Variants in C11orf52 observed in about 807,000 individuals in gnomAD.
The protein encoded by C11orf52 is chromosome 11 open reading frame 52, also known as uncharacterized protein C11orf52.
In C11orf52, 9 loss-of-function variants were observed where a neutral mutation model predicts 11.7. The ratio of observed to expected loss-of-function variants is 0.77; its 90% confidence interval spans 0.46 to 1.34. C11orf52 has a LOEUF of 1.34. Ranked by LOEUF, C11orf52 falls within the 40% of genes most tolerant of loss-of-function variation. C11orf52 has a pLI of 0.00. For missense variants in C11orf52, 139 were observed against 154.8 expected (o/e 0.90, Z 0.54); for synonymous variants, 49 against 57.4 (o/e 0.85, Z 0.66).
chr11:111,923,022 G>A, intron 1 of C11orf52, among the ~76,000 whole-genome samples: 1 of 152,194 alleles, frequency 6.6e-6, no homozygotes, highest in East Asian at 1.9e-4. Context: ...TCTAACTTGA[G>A]AACAGGCTCT....
At chr11:111,922,340 A>G (rs1307281570) in intron 1 of C11orf52, among the ~76,000 whole-genome samples, 11 of 152,228 alleles carry the variant, frequency 7.2e-5, no homozygotes, top group Admixed American at 5.9e-4. Flanking sequence ...TGTTATCTCA[A>G]TAAACCTCCA....
At chr11:111,921,111 A>ATGTCATGT (rs1555166536) in intron 1 of C11orf52, among the ~76,000 whole-genome samples, 1 of 152,256 alleles carries the variant, frequency 6.6e-6, no homozygotes, top group African/African-American at 2.4e-5. Flanking sequence ...GATCTGGAAG[A>ATGTCATGT]TGTCATGTTA....
intron 1 of C11orf52, among the ~76,000 whole-genome samples, chr11:111,922,444 T>C (rs1260842614): frequency 6.6e-6 from 1 of 152,312 alleles, no homozygotes; most frequent in Non-Finnish European, 1.5e-5. Context: ...TAATCATTCA[T>C]TGCAGAAAAT....
intron 1 of C11orf52, among the ~76,000 whole-genome samples, chr11:111,920,511 C>T (rs782247211): frequency 8.6e-5 from 13 of 151,722 alleles, no homozygotes; most frequent in Admixed American, 3.3e-4. Flanking sequence ...GCAGTCCAGA[C>T]TGGGCAACAG....
chr11:111,922,929 TA>T (rs1281337368), intron 1 of C11orf52, among the ~76,000 whole-genome samples: 5 of 152,206 alleles, frequency 3.3e-5, no homozygotes, highest in African/African-American at 1.2e-4. Flanking sequence ...TTAGTTTCCT[TA>T]AATCTAAAAA....
Position 111,925,650 on chromosome 11 carries a change from C to G in C11orf52, c.71-3C>G. 1 of 1,614,158 alleles carries G rather than the reference C, an allele frequency of 6.2e-7. No homozygotes were observed. Among genetic ancestry groups the G allele is most frequent in the Non-Finnish European group, 8.5e-7 (1 of 1,180,004 alleles). On this transcript the variant is annotated splice_region_variant and splice_polypyrimidine_tract_variant and intron_variant, in intron 2 of 3. Coordinates refer to ENST00000278601, the MANE Select transcript of C11orf52 (RefSeq NM_080659.3). ...AAACTTAAGTTGGATTTCTTCCCCTCAGGAAGCCAAACAAGACGGACACTG... is the reference window on the plus strand; with the variant it reads ...AAACTTAAGTTGGATTTCTTCCCCTGAGGAAGCCAAACAAGACGGACACTG...
intron 3 of C11orf52, 26 bp from the exon 4 acceptor site, chr11:111,925,934 C>A: frequency 5.0e-6 from 8 of 1,613,964 alleles, no homozygotes; most frequent in Non-Finnish European, 6.8e-6. Context: ...CCATGAATCT[C>A]CCTTAATGCT....
At chr11:111,919,235 G>A (rs1259676837) in intron 1 of C11orf52, 15 of 545,566 alleles carry the variant, frequency 2.7e-5, no homozygotes, top group South Asian at 2.7e-4. Flanking sequence ...AGCACTTTGG[G>A]AGGCCGAGGC....
Position 111,926,153 on chromosome 11 carries a change from C to T in C11orf52, c.326C>T (p.Pro109Leu). The T allele has an allele frequency of 6.2e-7, 1 of 1,614,248 alleles. No individual in the cohort carries two copies. Among genetic ancestry groups the T allele is most frequent in the African/African-American group, 1.3e-5 (1 of 75,054 alleles). ...ACAGAGTATGCGACCCTTCGCTTCC[C>T]CCAGGCCACACCTCGCTATGACAGC... ...NATEYATLRF[P>L]QATPRYDSKN... is the part of the protein sequence containing the mutation. The change falls in exon 4 of 4, where the codon CCC becomes CTC. Residue 109 changes from proline to leucine, a missense_variant. Coordinates refer to ENST00000278601, the MANE Select transcript of C11orf52 (RefSeq NM_080659.3).
chr11:111,925,811 G>T lies in C11orf52; in HGVS notation c.132+97G>T, dbSNP rs587642593. ...TGCAACAGACACATTTCAGTCACCT[G>T]TAGAATTTGCTGGCTCTGTCTGTCC... On this transcript the variant is annotated intron_variant, in intron 3 of 3. Transcript: ENST00000278601. The T allele has an allele frequency of 3.3e-3, 5,127 of 1,568,658 alleles. 22 individuals are homozygous for T. Among genetic ancestry groups the T allele is most frequent in the Middle Eastern group, 0.015 (91 of 5,946 alleles).
chr11:111,923,262 G>A (rs921111732), intron 1 of C11orf52, among the ~76,000 whole-genome samples: 1 of 152,234 alleles, frequency 6.6e-6, no homozygotes, highest in Non-Finnish European at 1.5e-5. Context: ...CACCTGTAGA[G>A]TTTGGCTGGA....
At chr11:111,921,742 T>A (rs1273315526) in intron 1 of C11orf52, among the ~76,000 whole-genome samples, 1 of 152,248 alleles carries the variant, frequency 6.6e-6, no homozygotes, top group African/African-American at 2.4e-5. Flanking sequence ...TACTCATGCT[T>A]ATTATATGCT....
Position 111,926,612 on chromosome 11 carries a change from G to A in C11orf52, c.*413G>A, listed in dbSNP as rs929586861. The A allele has an allele frequency of 2.0e-5, 4 of 197,766 alleles. No homozygotes were observed. Among genetic ancestry groups the A allele is most frequent in the Admixed American group, 5.3e-5 (1 of 18,876 alleles). The allele number at this position is 197,766 out of a possible 1,614,324, so 12.3% of individuals were successfully genotyped here. Reference sequence around the variant, plus strand: ...ACACACCTTAAACTCCAAAGCTGAAGGGGAGGTGCTCCGGAAAAGCATTCT... The same window carrying A: ...ACACACCTTAAACTCCAAAGCTGAAAGGGAGGTGCTCCGGAAAAGCATTCT... On this transcript the variant is annotated 3_prime_UTR_variant, in exon 4 of 4. Coordinates refer to ENST00000278601, the MANE Select transcript of C11orf52 (RefSeq NM_080659.3).
chr11:111,921,720 G>A (rs1286893568), intron 1 of C11orf52, among the ~76,000 whole-genome samples: 14 of 152,184 alleles, frequency 9.2e-5, no homozygotes, highest in Non-Finnish European at 1.9e-4. Flanking sequence ...ATAGTCATTA[G>A]TGGTCAACTT....
rs781801591 is a variant in C11orf52, at chr11:111,926,291, G to A, written c.*92G>A. 25 of 1,548,282 alleles carry A rather than the reference G, an allele frequency of 1.6e-5. No individual in the cohort carries two copies. The highest frequency in any genetic ancestry group is 3.6e-5 in the South Asian group (3 of 83,262). On this transcript the variant is annotated 3_prime_UTR_variant, in exon 4 of 4. Transcript: ENST00000278601. ...GGGAATTGGGTGGCAACCCAGGGAT[G>A]TTGTCCACGTTTTAAGCTTAAAGAA...
In C11orf52 at chr11:111,925,568, A is replaced by C. The variant is rs1965781819; in HGVS notation, c.71-85A>C. The C allele has an allele frequency of 9.7e-6, 13 of 1,341,046 alleles. No individual in the cohort carries two copies. In the Admixed American group the frequency reaches 2.3e-4, roughly 24 times the overall value. 83.1% of individuals were successfully genotyped at this position (1,341,046 alleles called of 1,614,324 possible). ...GGGGATTAGACAGAAGCCTGCCGTT[A>C]ATAGTTTAATAGTGATTTGAAGAAG... On this transcript the variant is annotated intron_variant, in intron 2 of 3. Coordinates refer to ENST00000278601, the MANE Select transcript of C11orf52 (RefSeq NM_080659.3).
chr11:111,925,821 C>G (rs1566430579), intron 3 of C11orf52, 107 bp downstream of exon 3: 1 of 1,558,836 alleles, frequency 6.4e-7, no homozygotes, highest in African/African-American at 1.4e-5. Context: ...GTAGAATTTG[C>G]TGGCTCTGTC....
intron 1 of C11orf52, chr11:111,919,229 C>A (rs1200136205): frequency 6.9e-5 from 39 of 565,168 alleles, no homozygotes; most frequent in Admixed American, 4.9e-4. Context: ...ACTCCCAGCA[C>A]TTTGGGAGGC....
chr11:111,919,018 A>C lies in C11orf52; in HGVS notation c.32+14A>C. ...CGGAGGAAGCTGGTGAGTAGGCTGG[A>C]AGGGCAAAGGGGAACATCTATCTCT... On this transcript the variant is annotated intron_variant, in intron 1 of 3. Transcript: ENST00000278601. The C allele has an allele frequency of 9.9e-6, 16 of 1,614,096 alleles. No individual in the cohort carries two copies. The highest frequency in any genetic ancestry group is 8.5e-6 in the Non-Finnish European group (10 of 1,179,982).
Sources: gnomAD v4.1 joint callset for allele counts (sites outside exome capture counted in the v4.1 genomes callset) on GRCh38, gnomAD v4.1.1 for gene constraint, MANE v1.5 for transcripts, NCBI Gene and HGNC (gene_info 2026-07-23, HGNC 2026-07-21) for gene names.